The following RGS7 variants were observed in gnomAD, a reference collection of about 807,000 sequenced individuals.
The protein encoded by RGS7 is regulator of G protein signaling 7, also known as regulator of G-protein signaling 7.
A neutral mutation model predicts 81.1 loss-of-function variants in RGS7; 27 were observed. That is an observed-to-expected ratio of 0.33 (90% confidence interval 0.25 to 0.46). The LOEUF is 0.46. RGS7 is among the 20% of genes least tolerant of loss of function. The pLI is 1.00. For synonymous variants in RGS7, 208 were observed against 207.7 expected (o/e 1.00, Z -0.01); for missense variants, 396 against 607.4 (o/e 0.65, Z 3.66).
At chr1:241,132,819 G>A (rs1359852624) in intron 2 of RGS7, among the ~76,000 whole-genome samples, 1 of 152,180 alleles carries the variant, frequency 6.6e-6, no homozygotes, top group Non-Finnish European at 1.5e-5. Flanking sequence ...CTGGAGTGCA[G>A]TGGCACAATC....
At chr1:240,934,612 T>C (rs1676273384) in intron 5 of RGS7, among the ~76,000 whole-genome samples, 1 of 152,174 alleles carries the variant, frequency 6.6e-6, no homozygotes, top group African/African-American at 2.4e-5. Flanking sequence ...TATATTTAGA[T>C]ACTATTTCAA....
intron 3 of RGS7, among the ~76,000 whole-genome samples, chr1:241,040,393 G>A (rs1369557158): frequency 3.3e-5 from 5 of 152,222 alleles, no homozygotes; most frequent in East Asian, 3.9e-4. Context: ...TCTGCTAAAC[G>A]TCATTTTTTC....
chr1:241,227,322 A>C (rs1239782195), intron 2 of RGS7, among the ~76,000 whole-genome samples: 3 of 152,162 alleles, frequency 2.0e-5, no homozygotes, highest in Non-Finnish European at 4.4e-5. Context: ...AGTGCTGAAT[A>C]CTGGAATGTA....
chr1:241,080,984 T>C (rs1296049473), intron 3 of RGS7, among the ~76,000 whole-genome samples: 1 of 152,174 alleles, frequency 6.6e-6, no homozygotes, highest in Non-Finnish European at 1.5e-5. Flanking sequence ...GATTGTTTTC[T>C]TTTTCTGTCC....
chr1:241,264,500 GA>G (rs980293455), intron 2 of RGS7, among the ~76,000 whole-genome samples: 7 of 146,220 alleles, frequency 4.8e-5, no homozygotes, highest in Middle Eastern at 3.5e-3. Flanking sequence ...CTGTCTCAAA[GA>G]AAAAAAAAAG....
At chr1:241,093,930 G>A (rs1048910335) in intron 3 of RGS7, among the ~76,000 whole-genome samples, 1 of 152,116 alleles carries the variant, frequency 6.6e-6, no homozygotes, top group Non-Finnish European at 1.5e-5. Context: ...GATGGGAAAA[G>A]TTTAAGCTAG....
intron 6 of RGS7, among the ~76,000 whole-genome samples, chr1:240,901,015 C>T (rs185433554): frequency 2.0e-5 from 3 of 152,198 alleles, no homozygotes; most frequent in South Asian, 2.1e-4. Context: ...CCCCCAGCCT[C>T]GCTGCTGCCT....
At chr1:241,276,788 T>C (rs779048973) in intron 2 of RGS7, among the ~76,000 whole-genome samples, 20 of 152,350 alleles carry the variant, frequency 1.3e-4, no homozygotes, top group Non-Finnish European at 2.1e-4. Context: ...AATAAAATCA[T>C]AGACCAAAAC....
At chr1:241,279,978 T>C (rs2078413047) in intron 2 of RGS7, among the ~76,000 whole-genome samples, 1 of 152,224 alleles carries the variant, frequency 6.6e-6, no homozygotes, top group African/African-American at 2.4e-5. Flanking sequence ...AACATCTTAA[T>C]TCTTTCCAGT....
chr1:240,892,456 A>T (rs1390258579), intron 6 of RGS7, among the ~76,000 whole-genome samples: 2 of 152,176 alleles, frequency 1.3e-5, no homozygotes, highest in Non-Finnish European at 2.9e-5. Context: ...ACAACCATAA[A>T]GCTCCTCAGT....
intron 2 of RGS7, among the ~76,000 whole-genome samples, chr1:241,213,486 C>T (rs1260314461): frequency 2.6e-5 from 4 of 152,224 alleles, no homozygotes; most frequent in African/African-American, 9.6e-5. Context: ...CTCACAGTCA[C>T]ACTCAACATC....
intron 3 of RGS7, among the ~76,000 whole-genome samples, chr1:241,005,205 A>G (rs1034059784): frequency 2.6e-5 from 4 of 152,020 alleles, no homozygotes; most frequent in Non-Finnish European, 5.9e-5. Flanking sequence ...GAAGTTGCTC[A>G]AAACAAAAGC....
intron 4 of RGS7, among the ~76,000 whole-genome samples, chr1:240,960,546 CTTTTTTTTT>C (rs5782170): frequency 1.2e-3 from 135 of 113,694 alleles, no homozygotes; most frequent in African/African-American, 4.0e-3. Context: ...CTGGGCTGTT[CTTTTTTTTT>C]TTTTTTTTTT....
intron 2 of RGS7, among the ~76,000 whole-genome samples, chr1:241,147,783 TATATATATATATA>T (rs2068435409): frequency 3.5e-4 from 32 of 90,532 alleles, no homozygotes; most frequent in Non-Finnish European, 5.1e-4. Context: ...TTAAGTTTTA[TATATATATATATA>T]TATATATATA....
At chr1:241,117,229 A>G (rs918376738) in intron 2 of RGS7, among the ~76,000 whole-genome samples, 1 of 152,214 alleles carries the variant, frequency 6.6e-6, no homozygotes, top group Admixed American at 6.5e-5. Flanking sequence ...ATTTGATTGC[A>G]CACAGTGATA....
At chr1:240,906,026 G>A (rs1359655460) in intron 6 of RGS7, among the ~76,000 whole-genome samples, 2 of 152,078 alleles carry the variant, frequency 1.3e-5, no homozygotes, top group East Asian at 1.9e-4. Context: ...CCATCTGCCC[G>A]GCATAGTCCT....
Position 241,294,052 on chromosome 1 carries a change from G to A in RGS7, c.78+61647C>T, listed in dbSNP as rs753058476. On this transcript the variant is annotated intron_variant, in intron 2 of 18. Coordinates refer to ENST00000440928, the MANE Select transcript of RGS7 (RefSeq NM_001364886.1). Reference sequence around the variant, plus strand: ...CTTGGAAGCAACCCAAATCCCCATCGGTGATAGACTGGATAAAGAAAATGT... The same window carrying A: ...CTTGGAAGCAACCCAAATCCCCATCAGTGATAGACTGGATAAAGAAAATGT... Among the ~76,000 whole-genome samples the A allele has an allele frequency of 9.1e-4, 138 of 152,190 alleles. 1 individual carries two copies. Among genetic ancestry groups the A allele is most frequent in the Admixed American group, 6.6e-4 (10 of 15,266 alleles).
chr1:241,149,406 C>A (rs894588092), intron 2 of RGS7, among the ~76,000 whole-genome samples: 2 of 152,166 alleles, frequency 1.3e-5, no homozygotes, highest in African/African-American at 4.8e-5. Flanking sequence ...ATCTACCCAC[C>A]TTGACCTCCC....
At chr1:241,074,275 T>C (rs1376389896) in intron 3 of RGS7, among the ~76,000 whole-genome samples, 1 of 152,058 alleles carries the variant, frequency 6.6e-6, no homozygotes, top group Non-Finnish European at 1.5e-5. Flanking sequence ...AATAGAAGTA[T>C]GCAACTTTAA....
Sources: allele counts gnomAD v4.1 joint callset (sites outside exome capture counted in the v4.1 genomes callset), GRCh38; gene constraint gnomAD v4.1.1; transcripts MANE v1.5; gene names NCBI Gene and HGNC (gene_info 2026-07-23, HGNC 2026-07-21).